Variants in NALCN observed in about 807,000 individuals in gnomAD.
NALCN encodes sodium leak channel NALCN.
NALCN carries 111 observed loss-of-function variants against 225.3 expected under a neutral mutation model. The ratio of observed to expected loss-of-function variants is 0.49; its 90% CI spans 0.42 to 0.58. The LOEUF is 0.58. Among genes scored for constraint, NALCN ranks in the 20% least tolerant of loss-of-function variants. NALCN has a pLI of 0.00. For missense variants in NALCN, 1,378 were observed against 2,202.4 expected (o/e 0.63, Z 7.49); for synonymous variants, 764 against 769.0 (o/e 0.99, Z 0.11).
rs574179321 is a variant in NALCN at position 101,189,339 on chromosome 13, C to T, written c.1764+2578G>A. Among the ~76,000 whole-genome samples, 15 of 152,160 alleles carry T rather than the reference C, an allele frequency of 9.9e-5. No individual in the cohort carries two copies. The East Asian group carries it at 2.1e-3, about 22-fold the overall frequency. On this transcript the variant is annotated intron_variant, in intron 14 of 43. Coordinates refer to ENST00000251127, the MANE Select transcript of NALCN (RefSeq NM_052867.4). ...ATGATACCCTAATAAATGATACTTG[C>T]ATAAATTAAAAATATCTGAACATAA...
At chr13:101,181,310 C>A (rs755356163) in intron 14 of NALCN, 1 of 518,916 alleles carries the variant, frequency 1.9e-6, no homozygotes, top group Non-Finnish European at 3.8e-6. Context: ...TCTTGAGTGC[C>A]ACAGAGGTCA....
chr13:101,334,503 A>G (rs2045312163), intron 7 of NALCN, among the ~76,000 whole-genome samples: 1 of 152,234 alleles, frequency 6.6e-6, no homozygotes, highest in East Asian at 1.9e-4. Flanking sequence ...AGTGTTCAGA[A>G]GAGTACAGAG....
At chr13:101,190,694 T>C (rs1441023584) in intron 14 of NALCN, among the ~76,000 whole-genome samples, 4 of 152,238 alleles carry the variant, frequency 2.6e-5, no homozygotes, top group African/African-American at 9.6e-5. Flanking sequence ...CCTCTGTCTG[T>C]CTATAGCAAA....
At chr13:101,137,159 G>A (rs1465204358) in intron 17 of NALCN, among the ~76,000 whole-genome samples, 2 of 152,074 alleles carry the variant, frequency 1.3e-5, no homozygotes, top group Admixed American at 1.3e-4. Flanking sequence ...AGTGTACAGA[G>A]TTTTCATATT....
At chr13:101,075,046 T>C in intron 35 of NALCN, among the ~76,000 whole-genome samples, 1 of 152,172 alleles carries the variant, frequency 6.6e-6, no homozygotes, top group Admixed American at 6.5e-5. Flanking sequence ...CTCAGGTTTC[T>C]TCCACAAACA....
intron 11 of NALCN, among the ~76,000 whole-genome samples, chr13:101,257,457 A>G (rs1342296392): frequency 6.6e-6 from 1 of 152,230 alleles, no homozygotes; most frequent in Non-Finnish European, 1.5e-5. Flanking sequence ...GTGCGTGGGT[A>G]GACTAAATTT....
intron 12 of NALCN, among the ~76,000 whole-genome samples, chr13:101,236,244 A>G (rs2041549350): frequency 1.3e-5 from 2 of 152,210 alleles, no homozygotes; most frequent in Non-Finnish European, 2.9e-5. Flanking sequence ...AATGGCAATC[A>G]TTAAAAAGTC....
intron 20 of NALCN, among the ~76,000 whole-genome samples, chr13:101,108,007 T>G (rs1390590646): frequency 6.7e-6 from 1 of 148,644 alleles, no homozygotes; most frequent in East Asian, 1.9e-4. Flanking sequence ...CAAATATGTA[T>G]ATTTACACTA....
intron 1 of NALCN, among the ~76,000 whole-genome samples, chr13:101,406,976 A>T (rs980720123): frequency 2.6e-5 from 4 of 152,232 alleles, no homozygotes; most frequent in Admixed American, 2.6e-4. Context: ...TAAGAATATG[A>T]AAACTAAAAA....
chr13:101,323,403 T>C (rs1002342829), intron 7 of NALCN, among the ~76,000 whole-genome samples: 1 of 152,238 alleles, frequency 6.6e-6, no homozygotes, highest in Non-Finnish European at 1.5e-5. Context: ...CAATCTGTAC[T>C]GAATTTGCTA....
intron 15 of NALCN, among the ~76,000 whole-genome samples, chr13:101,145,848 G>C (rs930516196): frequency 6.6e-6 from 1 of 152,038 alleles, no homozygotes; most frequent in African/African-American, 2.4e-5. Flanking sequence ...TGTAATTCAG[G>C]CTGCCTTTTT....
chr13:101,118,648 C>T (rs898232920), intron 18 of NALCN, among the ~76,000 whole-genome samples: 1 of 152,140 alleles, frequency 6.6e-6, no homozygotes, highest in African/African-American at 2.4e-5. Flanking sequence ...AAAAAGCCAA[C>T]AATAACCAGG....
chr13:101,226,392 G>T (rs1160635111), intron 13 of NALCN, among the ~76,000 whole-genome samples: 1 of 152,120 alleles, frequency 6.6e-6, no homozygotes, highest in Non-Finnish European at 1.5e-5. Context: ...AGCAAAATTG[G>T]CCAGAAGCCC....
At chr13:101,346,177 G>T (rs746732477) in intron 6 of NALCN, among the ~76,000 whole-genome samples, 2 of 148,428 alleles carry the variant, frequency 1.3e-5, no homozygotes, top group African/African-American at 2.5e-5. Context: ...ATCCATAAAT[G>T]ATATTCATAA....
intron 6 of NALCN, among the ~76,000 whole-genome samples, chr13:101,365,581 A>AAG: frequency 1.3e-5 from 2 of 152,180 alleles, no homozygotes; most frequent in Non-Finnish European, 2.9e-5. Flanking sequence ...CTGCAAAAAA[A>AAG]TCCAACTTTA....
chr13:101,275,150 C>T (rs756241611), intron 10 of NALCN, among the ~76,000 whole-genome samples: 2 of 152,176 alleles, frequency 1.3e-5, no homozygotes, highest in Non-Finnish European at 2.9e-5. Context: ...CATTTTTTCC[C>T]AGTGCACCTT....
chr13:101,279,959 G>C (rs2043112834), intron 10 of NALCN, among the ~76,000 whole-genome samples: 1 of 152,030 alleles, frequency 6.6e-6, no homozygotes, highest in Admixed American at 6.5e-5. Flanking sequence ...AGACTGAGAT[G>C]AAAGTTTTCC....
chr13:101,160,931 A>C (rs2038152954), intron 15 of NALCN, among the ~76,000 whole-genome samples: 1 of 152,238 alleles, frequency 6.6e-6, no homozygotes, highest in South Asian at 2.1e-4. Context: ...TGGAACTGAA[A>C]GTGAAAATAC....
chr13:101,361,732 A>G (rs2046257317), intron 6 of NALCN, among the ~76,000 whole-genome samples: 1 of 152,208 alleles, frequency 6.6e-6, no homozygotes, highest in African/African-American at 2.4e-5. Context: ...AGAAAATAAC[A>G]TACAGCAATT....
Sources: allele counts gnomAD v4.1 joint callset (sites outside exome capture counted in the v4.1 genomes callset), GRCh38; gene constraint gnomAD v4.1.1; transcripts MANE v1.5; gene names NCBI Gene and HGNC (gene_info 2026-07-23, HGNC 2026-07-21).